The following PPP2R5E variants were observed in gnomAD, a reference collection of about 807,000 sequenced individuals.
The protein encoded by PPP2R5E is protein phosphatase 2 regulatory subunit B'epsilon, also known as serine/threonine-protein phosphatase 2A 56 kDa regulatory subunit epsilon isoform.
A neutral mutation model predicts 65.3 loss-of-function variants in PPP2R5E; 4 were observed. That is an observed-to-expected ratio of 0.06 (90% CI 0.03 to 0.14). The LOEUF (loss-of-function observed/expected upper bound fraction) is 0.14, where lower values mean the gene tolerates loss of function less well. Among genes scored for constraint, PPP2R5E ranks in the 10% least tolerant of loss-of-function variants. The probability of loss-of-function intolerance (pLI) is 1.00; values close to 1 mark genes in which losing one functional copy is unlikely to be tolerated. For missense variants in PPP2R5E, 274 were observed against 556.1 expected, an observed-to-expected ratio of 0.49 and a Z score of 5.10; for synonymous variants, 183 against 187.4, an observed-to-expected ratio of 0.98 and a Z score of 0.19.
chr14:63,469,626 G>A (rs905638404), intron 2 of PPP2R5E, among the ~76,000 whole-genome samples: 10 of 152,160 alleles, frequency 6.6e-5, no homozygotes, highest in Admixed American at 2.0e-4. Flanking sequence ...CCCGGGAGGC[G>A]GAGCTGGCAG....
intron 2 of PPP2R5E, among the ~76,000 whole-genome samples, chr14:63,524,034 C>T (rs921516456): frequency 2.0e-5 from 3 of 152,124 alleles, no homozygotes; most frequent in Non-Finnish European, 4.4e-5. Flanking sequence ...TTCCTGGGGG[C>T]ACTTCAGTAA....
intron 3 of PPP2R5E, among the ~76,000 whole-genome samples, chr14:63,441,434 T>G (rs1888230589): frequency 6.6e-6 from 1 of 152,208 alleles, no homozygotes; most frequent in South Asian, 2.1e-4. Context: ...CAACTTCATT[T>G]TTCATCTTTA....
intron 3 of PPP2R5E, among the ~76,000 whole-genome samples, chr14:63,426,430 T>G (rs576059065): frequency 8.6e-5 from 13 of 151,858 alleles, no homozygotes; most frequent in Non-Finnish European, 1.8e-4. Context: ...AAAAAGTTTA[T>G]AAATAAAGAT....
chr14:63,430,393 A>ACATACATACATACATACATACATG (rs1887598066), intron 3 of PPP2R5E, among the ~76,000 whole-genome samples: 3 of 138,924 alleles, frequency 2.2e-5, no homozygotes, highest in African/African-American at 9.4e-5. Flanking sequence ...ATACATACAT[A>ACATACATACATACATACATACATG]CATACATGCA....
intron 3 of PPP2R5E, among the ~76,000 whole-genome samples, chr14:63,444,337 C>A (rs1888375424): frequency 6.6e-6 from 1 of 152,206 alleles, no homozygotes; most frequent in Non-Finnish European, 1.5e-5. Flanking sequence ...AACCACCCTT[C>A]TATCTACCTT....
intron 2 of PPP2R5E, among the ~76,000 whole-genome samples, chr14:63,487,240 T>C (rs1891042242): frequency 6.6e-6 from 1 of 152,238 alleles, no homozygotes. Flanking sequence ...TAATGTCATA[T>C]TACTTGAAAG....
At chr14:63,426,612 A>C (rs1594861195) in intron 3 of PPP2R5E, among the ~76,000 whole-genome samples, 1 of 152,002 alleles carries the variant, frequency 6.6e-6, no homozygotes, top group East Asian at 1.9e-4. Flanking sequence ...TTGCAAGATG[A>C]AAATGGGTCT....
At chr14:63,459,102 C>G (rs189830460) in intron 2 of PPP2R5E, among the ~76,000 whole-genome samples, 1 of 152,126 alleles carries the variant, frequency 6.6e-6, no homozygotes, top group Non-Finnish European at 1.5e-5. Context: ...ATAAGACATA[C>G]GAGTCTATAT....
intron 2 of PPP2R5E, among the ~76,000 whole-genome samples, chr14:63,490,247 C>A (rs944029401): frequency 1.3e-5 from 2 of 151,958 alleles, no homozygotes; most frequent in Non-Finnish European, 2.9e-5. Context: ...CGAAACTCGA[C>A]CCCTACACCT....
intron 2 of PPP2R5E, among the ~76,000 whole-genome samples, chr14:63,522,843 C>T (rs1041884630): frequency 4.0e-5 from 6 of 151,434 alleles, no homozygotes; most frequent in Non-Finnish European, 7.4e-5. Context: ...CCAGCCGCCC[C>T]GTCCAGGAGG....
chr14:63,516,761 G>A (rs1428938536), intron 2 of PPP2R5E, among the ~76,000 whole-genome samples: 1 of 152,146 alleles, frequency 6.6e-6, no homozygotes, highest in Non-Finnish European at 1.5e-5. Context: ...TGAACACAAT[G>A]CTTTCACATC....
At chr14:63,484,345 T>TCACACACACACACA (rs1239784741) in intron 2 of PPP2R5E, among the ~76,000 whole-genome samples, 4 of 124,264 alleles carry the variant, frequency 3.2e-5, no homozygotes, top group African/African-American at 1.3e-4. Context: ...TCTCTCTCTC[T>TCACACACACACACA]CTCACACACA....
chr14:63,423,605 A>G (rs184741005), intron 3 of PPP2R5E, among the ~76,000 whole-genome samples: 14 of 152,340 alleles, frequency 9.2e-5, no homozygotes, highest in Admixed American at 4.6e-4. Context: ...GAAAGGAGAT[A>G]TTGCATCAGA....
At chr14:63,500,138 ATTT>A (rs1891791546) in intron 2 of PPP2R5E, among the ~76,000 whole-genome samples, 1 of 152,186 alleles carries the variant, frequency 6.6e-6, no homozygotes, top group African/African-American at 2.4e-5. Flanking sequence ...GGCACTATGA[ATTT>A]TTCTTATAGG....
intron 2 of PPP2R5E, among the ~76,000 whole-genome samples, chr14:63,473,811 C>CTT (rs1164718418): frequency 6.6e-6 from 1 of 152,090 alleles, no homozygotes; most frequent in Non-Finnish European, 1.5e-5. Context: ...ATGCATTTGA[C>CTT]TTTAACATTA....
intron 13 of PPP2R5E, among the ~76,000 whole-genome samples, chr14:63,381,691 T>C (rs1377039107): frequency 6.6e-6 from 1 of 152,168 alleles, no homozygotes; most frequent in Admixed American, 6.5e-5. Context: ...TATACCACGG[T>C]GGTCCCATAA....
intron 2 of PPP2R5E, among the ~76,000 whole-genome samples, chr14:63,522,619 G>A (rs1471962026): frequency 1.4e-5 from 2 of 141,750 alleles, no homozygotes; most frequent in South Asian, 2.2e-4. Context: ...TGTGAGGAGC[G>A]CCTCTACCCG....
chr14:63,499,975 T>G (rs996855047), intron 2 of PPP2R5E, among the ~76,000 whole-genome samples: 15 of 152,202 alleles, frequency 9.9e-5, no homozygotes, highest in Non-Finnish European at 1.8e-4. Flanking sequence ...TAATCTGGAT[T>G]TGACTCATTA....
intron 2 of PPP2R5E, among the ~76,000 whole-genome samples, chr14:63,529,509 T>C (rs1893321779): frequency 6.6e-6 from 1 of 151,986 alleles, no homozygotes; most frequent in Non-Finnish European, 1.5e-5. Flanking sequence ...TACAGGCACC[T>C]GCTACCACGC....
Sources: gnomAD v4.1 joint callset for allele counts (sites outside exome capture counted in the v4.1 genomes callset) on GRCh38, gnomAD v4.1.1 for gene constraint, MANE v1.5 for transcripts, NCBI Gene and HGNC (gene_info 2026-07-23, HGNC 2026-07-21) for gene names.